NHS: variants seen among roughly 807,000 people sequenced by gnomAD.
NHS encodes actin remodeling regulator NHS.
A neutral mutation model predicts 72.5 loss-of-function variants in NHS; 5 were observed. The ratio of observed to expected loss-of-function variants is 0.07; its 90% CI spans 0.04 to 0.14. The LOEUF is 0.14. Among genes scored for constraint, NHS ranks in the 10% least tolerant of loss-of-function variants. The pLI is 1.00. For missense variants in NHS, 1,072 were observed against 1,355.7 expected (o/e 0.79, Z 3.29); for synonymous variants, 464 against 547.7 (o/e 0.85, Z 2.13).
At chrX:17,576,995 C>A (rs1458310263) in intron 1 of NHS, among the ~76,000 whole-genome samples, 1 of 111,817 alleles carries the variant, frequency 8.9e-6, no homozygotes, top group Non-Finnish European at 1.9e-5. Flanking sequence ...ATCTGGTGGA[C>A]CTCAGTTGCC....
intron 1 of NHS, among the ~76,000 whole-genome samples, chrX:17,407,768 G>A (rs2064536351): frequency 9.0e-6 from 1 of 111,302 alleles, no homozygotes; most frequent in Admixed American, 9.5e-5. Flanking sequence ...GGTTGTTACT[G>A]GTTCATTTTT....
At chrX:17,380,911 G>A (rs1249235094) in intron 1 of NHS, among the ~76,000 whole-genome samples, 3 of 111,148 alleles carry the variant, frequency 2.7e-5, no homozygotes, top group African/African-American at 9.8e-5. Flanking sequence ...ATACGAGCAG[G>A]GAGGCAGGTG....
intron 1 of NHS, among the ~76,000 whole-genome samples, chrX:17,493,547 G>A (rs187380164): frequency 8.9e-6 from 1 of 112,257 alleles, no homozygotes; most frequent in East Asian, 2.8e-4. Context: ...CTGGCATATA[G>A]TAGGTGCTTA....
At chrX:17,507,385 C>A (rs2065063724) in intron 1 of NHS, among the ~76,000 whole-genome samples, 1 of 111,473 alleles carries the variant, frequency 9.0e-6, no homozygotes, top group African/African-American at 3.3e-5. Flanking sequence ...ACCTTTCCCG[C>A]CCTTCACTTG....
At chrX:17,604,835 G>C (rs1417367165) in intron 1 of NHS, among the ~76,000 whole-genome samples, 1 of 112,278 alleles carries the variant, frequency 8.9e-6, no homozygotes, top group East Asian at 2.8e-4. Flanking sequence ...GCATCCTGAT[G>C]ATTTGAGGTC....
intron 1 of NHS, among the ~76,000 whole-genome samples, chrX:17,383,887 G>A (rs2064392501): frequency 8.9e-6 from 1 of 111,862 alleles, no homozygotes; most frequent in African/African-American, 3.3e-5. Flanking sequence ...GGTAACAAAA[G>A]GAACTCAAAT....
At chrX:17,423,599 A>G (rs2064634946) in intron 1 of NHS, among the ~76,000 whole-genome samples, 1 of 111,571 alleles carries the variant, frequency 9.0e-6, no homozygotes, top group South Asian at 3.8e-4. Context: ...GTGGGCATCA[A>G]AGACACCAGG....
intron 1 of NHS, among the ~76,000 whole-genome samples, chrX:17,646,753 C>T (rs1273463045): frequency 1.8e-5 from 2 of 112,167 alleles, no homozygotes; most frequent in Non-Finnish European, 3.8e-5. Flanking sequence ...CTCAGCAAAA[C>T]ATCCCCTTTT....
intron 1 of NHS, among the ~76,000 whole-genome samples, chrX:17,386,663 C>CAAAAAAAAAAAAAAAA (rs1184465152): frequency 2.9e-4 from 11 of 38,341 alleles, no homozygotes; most frequent in East Asian, 7.9e-4. Context: ...AACTCTGTCT[C>CAAAAAAAAAAAAAAAA]AAAAAAAAAA....
At chrX:17,723,726 G>GGT (rs3222310) in intron 5 of NHS, among the ~76,000 whole-genome samples, 5,310 of 70,968 alleles carry the variant, frequency 0.075, 178 homozygotes, top group South Asian at 0.13. Flanking sequence ...CAGCAAAAGA[G>GGT]GTGTGTGTGT....
chrX:17,715,951 T>G (rs2066362455), intron 3 of NHS, among the ~76,000 whole-genome samples: 1 of 111,931 alleles, frequency 8.9e-6, no homozygotes, highest in Admixed American at 9.5e-5. Context: ...TGTGTCTAAG[T>G]GGAGGAACCA....
chrX:17,652,629 T>C (rs1279599740), intron 1 of NHS, among the ~76,000 whole-genome samples: 3 of 111,515 alleles, frequency 2.7e-5, no homozygotes, highest in Non-Finnish European at 5.6e-5. Flanking sequence ...TTTAAAAAAT[T>C]ACAGCTAGAT....
At chrX:17,688,753 T>C (rs933995138) in intron 2 of NHS, among the ~76,000 whole-genome samples, 3 of 112,243 alleles carry the variant, frequency 2.7e-5, no homozygotes, top group Non-Finnish European at 5.6e-5. Flanking sequence ...TTTACATGTC[T>C]CTCACAGTCC....
chrX:17,446,643 C>CA (rs1432839529), intron 1 of NHS, among the ~76,000 whole-genome samples: 2 of 103,804 alleles, frequency 1.9e-5, no homozygotes, highest in African/African-American at 7.5e-5. Flanking sequence ...GTGAAATAAA[C>CA]AGCCTTTTTG....
At chrX:17,506,527 TAATA>T (rs61214947) in intron 1 of NHS, among the ~76,000 whole-genome samples, 9,954 of 98,095 alleles carry the variant, frequency 0.1, 573 homozygotes, top group East Asian at 0.22. Context: ...TGAGACTCTG[TAATA>T]AATAAATAAA....
At chrX:17,615,578 G>A (rs2065741325) in intron 1 of NHS, among the ~76,000 whole-genome samples, 1 of 109,836 alleles carries the variant, frequency 9.1e-6, no homozygotes, top group Admixed American at 9.7e-5. Flanking sequence ...TTGGAGTATT[G>A]CCATGGTCTC....
chrX:17,456,940 A>G (rs1344333380), intron 1 of NHS, among the ~76,000 whole-genome samples: 4 of 111,996 alleles, frequency 3.6e-5, no homozygotes, highest in Non-Finnish European at 7.5e-5. Flanking sequence ...GGGATTTTTG[A>G]GGCCCAGAAG....
intron 1 of NHS, among the ~76,000 whole-genome samples, chrX:17,614,738 C>T (rs1037313160): frequency 3.6e-5 from 4 of 111,367 alleles, no homozygotes; most frequent in Non-Finnish European, 7.5e-5. Context: ...TTAGCAATTT[C>T]CCATCTTCAT....
At chrX:17,424,412 T>C (rs948305840) in intron 1 of NHS, among the ~76,000 whole-genome samples, 1 of 111,718 alleles carries the variant, frequency 9.0e-6, no homozygotes, top group Admixed American at 9.5e-5. Flanking sequence ...TGGAGATGGA[T>C]TGATTGGGCC....
Sources: allele counts gnomAD v4.1 joint callset (sites outside exome capture counted in the v4.1 genomes callset), GRCh38; gene constraint gnomAD v4.1.1; transcripts MANE v1.5; gene names NCBI Gene and HGNC (gene_info 2026-07-23, HGNC 2026-07-21).